The following SYN3 variants were observed in gnomAD, a reference collection of about 807,000 sequenced individuals.
SYN3 encodes the protein synapsin III.
In SYN3, 35 loss-of-function variants were observed where a neutral mutation model predicts 65.8. The observed-to-expected ratio is 0.53, with a 90% CI of 0.41 to 0.70. SYN3 has a LOEUF of 0.70. SYN3 is among the 30% of genes least tolerant of loss of function. The pLI, the probability that SYN3 is intolerant of heterozygous loss-of-function variation, is 0.00. For missense variants in SYN3, 680 were observed against 749.0 expected (o/e 0.91, Z 1.08); for synonymous variants, 270 against 292.9 (o/e 0.92, Z 0.80).
chr22:32,798,685 CTTTTTTTTTTTTTT>C (rs751710119), intron 6 of SYN3, among the ~76,000 whole-genome samples: 1 of 92,500 alleles, frequency 1.1e-5, no homozygotes. Flanking sequence ...CATCTTCATT[CTTTTTTTTTTTTTT>C]TTTTTTTTTG....
At chr22:32,953,451 T>C (rs2051352027) in intron 3 of SYN3, among the ~76,000 whole-genome samples, 1 of 130,592 alleles carries the variant, frequency 7.7e-6, no homozygotes, top group African/African-American at 3.0e-5. Flanking sequence ...AGTTTTGTGT[T>C]AAATAAAGGG....
intron 6 of SYN3, among the ~76,000 whole-genome samples, chr22:32,834,774 A>T (rs1165871505): frequency 6.6e-6 from 1 of 152,142 alleles, no homozygotes. Flanking sequence ...TATGATTCCT[A>T]TCTGGTACAG....
chr22:32,992,411 G>A (rs2145723762), intron 2 of SYN3, among the ~76,000 whole-genome samples: 1 of 152,286 alleles, frequency 6.6e-6, no homozygotes, highest in Non-Finnish European at 1.5e-5. Context: ...GCTTAAATAT[G>A]TCTCCCTCTT....
intron 6 of SYN3, among the ~76,000 whole-genome samples, chr22:32,826,493 T>C (rs960550714): frequency 3.2e-4 from 48 of 152,024 alleles, no homozygotes; most frequent in African/African-American, 9.9e-4. Context: ...ATAAAGAGCA[T>C]GGAGAAAGTA....
At chr22:32,802,924 C>T (rs537539220) in intron 6 of SYN3, among the ~76,000 whole-genome samples, 3 of 152,206 alleles carry the variant, frequency 2.0e-5, no homozygotes, top group South Asian at 2.1e-4. Context: ...GGTCACATCA[C>T]GGTGACAGTT....
chr22:33,022,124 C>T (rs1319171282), intron 1 of SYN3, among the ~76,000 whole-genome samples: 1 of 152,196 alleles, frequency 6.6e-6, no homozygotes, highest in Non-Finnish European at 1.5e-5. Context: ...CCCATGTAAA[C>T]ACAACACGGC....
chr22:32,972,373 A>G (rs2052046003), intron 3 of SYN3, among the ~76,000 whole-genome samples: 1 of 152,190 alleles, frequency 6.6e-6, no homozygotes, highest in African/African-American at 2.4e-5. Context: ...TAAGTGAAAA[A>G]TGAGGGTGCA....
At chr22:32,530,936 T>C (rs1442192049) in intron 10 of SYN3, among the ~76,000 whole-genome samples, 1 of 150,680 alleles carries the variant, frequency 6.6e-6, no homozygotes, top group Admixed American at 6.6e-5. Context: ...AACCTGGGAG[T>C]GTCGGAGGTT....
chr22:32,636,106 A>G (rs2059810511), intron 6 of SYN3, among the ~76,000 whole-genome samples: 1 of 152,198 alleles, frequency 6.6e-6, no homozygotes, highest in Non-Finnish European at 1.5e-5. Flanking sequence ...GGACTGTTAG[A>G]AAATCAGAAC....
intron 2 of SYN3, among the ~76,000 whole-genome samples, chr22:32,992,745 G>A (rs1340514979): frequency 2.0e-5 from 3 of 152,046 alleles, no homozygotes; most frequent in Non-Finnish European, 4.4e-5. Context: ...CCTGGGAGGC[G>A]GACGTTGCAG....
At chr22:33,036,140 C>T (rs1052447718) in intron 1 of SYN3, among the ~76,000 whole-genome samples, 1 of 152,190 alleles carries the variant, frequency 6.6e-6, no homozygotes, top group Admixed American at 6.5e-5. Context: ...TACATGCCTT[C>T]CTCCTCTTTA....
intron 3 of SYN3, among the ~76,000 whole-genome samples, chr22:32,976,394 C>T (rs960788014): frequency 6.6e-6 from 1 of 152,156 alleles, no homozygotes; most frequent in African/African-American, 2.4e-5. Context: ...GAAAGACTGG[C>T]CGTGGTGATT....
chr22:32,915,674 A>T (rs1029156969), intron 4 of SYN3, among the ~76,000 whole-genome samples: 5 of 152,232 alleles, frequency 3.3e-5, no homozygotes, highest in Non-Finnish European at 5.9e-5. Context: ...TGGAAGTACC[A>T]TTGTGGGTAA....
At chr22:33,010,820 G>A (rs544318912) in intron 1 of SYN3, among the ~76,000 whole-genome samples, 10 of 152,154 alleles carry the variant, frequency 6.6e-5, no homozygotes, top group African/African-American at 2.4e-4. Context: ...TAGAGATCTC[G>A]CATACATTTT....
chr22:32,733,563 G>A (rs767006297), intron 6 of SYN3, among the ~76,000 whole-genome samples: 11 of 152,306 alleles, frequency 7.2e-5, no homozygotes, highest in Middle Eastern at 6.8e-3. Context: ...CATGGCCGGC[G>A]CCTGGCGGAG....
In SYN3 at chr22:32,983,699, G is replaced by T. The variant is rs186140217; in HGVS notation, c.312-2997C>A. Among the ~76,000 whole-genome samples the T allele has an allele frequency of 2.6e-5, 4 of 152,204 alleles. No individual in the cohort carries two copies. In the South Asian group the frequency reaches 6.2e-4, roughly 24 times the overall value. On this transcript the variant is annotated intron_variant, in intron 2 of 13. Transcript: ENST00000358763. The stretch of plus-strand genomic sequence containing the variant: ...CAAAGAGAATCTTTTCATACAGTTT[G>T]TGAATTTTATCGTAATCCTTAAAGG...
At chr22:32,980,735 T>G in intron 2 of SYN3, 33 bp from the exon 3 acceptor site, 3 of 1,605,590 alleles carry the variant, frequency 1.9e-6, no homozygotes, top group Non-Finnish European at 2.6e-6. Context: ...TGAGTAAGGA[T>G]GCAGGCTGTT....
intron 6 of SYN3, among the ~76,000 whole-genome samples, chr22:32,652,404 A>C (rs1213618567): frequency 6.6e-6 from 1 of 151,604 alleles, no homozygotes; most frequent in Non-Finnish European, 1.5e-5. Flanking sequence ...GAAAAAAAAA[A>C]GTTTTCTTTT....
At chr22:32,598,297 C>T (rs993065326) in intron 6 of SYN3, among the ~76,000 whole-genome samples, 1 of 152,124 alleles carries the variant, frequency 6.6e-6, no homozygotes, top group African/African-American at 2.4e-5. Context: ...TCTCATTTTA[C>T]CCCCACACTG....
Sources: gnomAD v4.1 joint callset for allele counts (sites outside exome capture counted in the v4.1 genomes callset) on GRCh38, gnomAD v4.1.1 for gene constraint, MANE v1.5 for transcripts, NCBI Gene and HGNC (gene_info 2026-07-23, HGNC 2026-07-21) for gene names.